Variants in LARP1 observed in about 807,000 individuals in gnomAD.
LARP1 encodes the protein la-related protein 1.
Under a neutral mutation model 122.7 loss-of-function variants are expected in LARP1, and 36 were observed. That is an observed-to-expected ratio of 0.29 (90% CI 0.22 to 0.39). LARP1 has a LOEUF of 0.39. Ranked by LOEUF, LARP1 falls within the 10% of genes least tolerant of loss-of-function variation. The pLI is 1.00. For missense variants in LARP1, 1,040 were observed against 1,403.6 expected (o/e 0.74, Z 4.14); for synonymous variants, 539 against 528.7 (o/e 1.02, Z -0.27).
upstream of LARP1, among the ~76,000 whole-genome samples, chr5:154,753,184 A>G (rs952863476): frequency 6.6e-6 from 1 of 152,192 alleles, no homozygotes; most frequent in Non-Finnish European, 1.5e-5. Context: ...TCTACCTCCA[A>G]TTACAAAAAG....
intron 18 of LARP1, 103 bp downstream of exon 18, chr5:154,811,743 C>T: frequency 7.2e-7 from 1 of 1,386,194 alleles, no homozygotes; most frequent in Non-Finnish European, 1.0e-6. Flanking sequence ...AGCCCAGGAA[C>T]CCCTCTCCCT....
chr5:154,778,258 TAAAAA>T (rs577057003), intron 1 of LARP1, among the ~76,000 whole-genome samples: 3 of 119,706 alleles, frequency 2.5e-5, no homozygotes, highest in Non-Finnish European at 5.3e-5. Flanking sequence ...AGACTCCGTC[TAAAAA>T]AAAAAAAAAA....
chr5:154,783,593 A>G (rs1443790885), intron 1 of LARP1, among the ~76,000 whole-genome samples: 2 of 152,104 alleles, frequency 1.3e-5, no homozygotes, highest in Non-Finnish European at 2.9e-5. Flanking sequence ...TTGGCTCCAA[A>G]TCCTGTTCCT....
intron 1 of LARP1, among the ~76,000 whole-genome samples, chr5:154,763,277 G>T (rs1397706748): frequency 6.6e-6 from 1 of 151,808 alleles, no homozygotes; most frequent in African/African-American, 2.4e-5. Flanking sequence ...GGTCGGGTTG[G>T]TCTCGAACTC....
intron 8 of LARP1, among the ~76,000 whole-genome samples, chr5:154,795,962 T>C (rs1422721001): frequency 9.0e-6 from 1 of 110,930 alleles, no homozygotes; most frequent in African/African-American, 3.5e-5. Flanking sequence ...ATATATATTT[T>C]TATACATATT....
intron 1 of LARP1, among the ~76,000 whole-genome samples, chr5:154,784,623 T>G (rs1756739956): frequency 6.6e-6 from 1 of 152,186 alleles, no homozygotes; most frequent in Admixed American, 6.5e-5. Context: ...CCTGAAGGCT[T>G]TCTTTGAATA....
At position 154,718,091 on chromosome 5, in the gene LARP1, A is replaced by AT. The variant is rs1331425302; in HGVS notation, c.205+4972dup. 3.6e-3 allele frequency among the ~76,000 whole-genome samples: 526 copies of AT among 147,362 alleles called. 4 individuals carry two copies. The highest frequency in any genetic ancestry group is 0.011 in the African/African-American group (448 of 40,376). On this transcript the variant is annotated intron_variant, in intron 1 of 18. Transcript: ENST00000336314. Reference sequence around the variant, plus strand: ...GGCCACCATGCCCAGCTAACTTAAAATTTTTTTTTTTGTAGAAACGGGGTC... The same window carrying AT: ...GGCCACCATGCCCAGCTAACTTAAAATTTTTTTTTTTTGTAGAAACGGGGTC...
rs557490203 is a variant in LARP1 at position 154,803,955 on chromosome 5, C to G, written c.2439+210C>G. On this transcript the variant is annotated intron_variant, in intron 13 of 18. Transcript: ENST00000518297. This position sits in a 1 kb window ranked among gnomAD's most constrained non-coding sequence, Gnocchi z 4.4. ...GAGTGGTAACCCCATGTTGAAAGGC[C>G]TAAGGAGGATTGACCAGGTATGAGT... 2.0e-5 allele frequency among the ~76,000 whole-genome samples: 3 copies of G among 152,146 alleles called. No individual in the cohort carries two copies. The highest frequency in any genetic ancestry group is 4.4e-5 in the Non-Finnish European group (3 of 68,026).
intron 1 of LARP1, among the ~76,000 whole-genome samples, chr5:154,688,983 A>G (rs926273865): frequency 6.6e-6 from 1 of 152,246 alleles, no homozygotes; most frequent in South Asian, 2.1e-4. Context: ...GAAAAATACT[A>G]TATATTGACA....
intron 8 of LARP1, among the ~76,000 whole-genome samples, chr5:154,797,218 GTTGTTTTTTTTTTTTTTTT>G (rs1247316053): frequency 4.5e-5 from 3 of 66,204 alleles, no homozygotes; most frequent in African/African-American, 1.8e-4. Flanking sequence ...TTTTGTTGTT[GTTGTTTTTTTTTTTTTTTT>G]TTTTTTTTTT....
At chr5:154,752,280 T>C (rs116704207), upstream of LARP1, among the ~76,000 whole-genome samples, 1,346 of 152,284 alleles carry the variant, frequency 8.8e-3, 5 homozygotes, top group Middle Eastern at 0.014. Context: ...TTTTGCTCTG[T>C]CACCTAGGAT....
intron 8 of LARP1, among the ~76,000 whole-genome samples, chr5:154,795,641 C>G (rs1757687100): frequency 6.6e-6 from 1 of 151,448 alleles, no homozygotes; most frequent in Non-Finnish European, 1.5e-5. Flanking sequence ...GAAGAAAATC[C>G]TAGAAAACCT....
intron 1 of LARP1, among the ~76,000 whole-genome samples, chr5:154,766,855 T>C (rs567313348): frequency 2.0e-5 from 3 of 152,244 alleles, no homozygotes; most frequent in Admixed American, 6.5e-5. Context: ...TCTCCATTGC[T>C]GTGCCCTCAG....
intron 1 of LARP1, among the ~76,000 whole-genome samples, chr5:154,733,963 C>T (rs186883226): frequency 1.3e-4 from 19 of 151,976 alleles, no homozygotes; most frequent in Admixed American, 9.9e-4. Context: ...TTCGGGAGAT[C>T]GAGACCATCC....
At chr5:154,736,762 T>C (rs567153857) in intron 1 of LARP1, among the ~76,000 whole-genome samples, 52 of 149,096 alleles carry the variant, frequency 3.5e-4, no homozygotes, top group Admixed American at 2.7e-4. Context: ...GACAGGGTTT[T>C]ACCATGTTGG....
At chr5:154,804,500 G>T (rs1188146936) in intron 14 of LARP1, among the ~76,000 whole-genome samples, 193 bp downstream of exon 14, 1 of 152,182 alleles carries the variant, frequency 6.6e-6, no homozygotes. Flanking sequence ...TCCTAAAGAA[G>T]TGGTGTGGCA....
At chr5:154,764,825 A>G (rs780151218) in intron 1 of LARP1, among the ~76,000 whole-genome samples, 11 of 151,158 alleles carry the variant, frequency 7.3e-5, no homozygotes, top group Non-Finnish European at 1.3e-4. Context: ...GAATCGCTTG[A>G]ACCTGGGAGG....
upstream of LARP1, among the ~76,000 whole-genome samples, chr5:154,712,589 C>G (rs758608488): frequency 5.3e-5 from 8 of 152,170 alleles, no homozygotes; most frequent in Non-Finnish European, 1.0e-4. Context: ...CTTCCTTTAG[C>G]CCCAGCTTGT....
intron 3 of LARP1, 117 bp downstream of exon 3, chr5:154,790,827 T>C (rs1436795670): frequency 7.3e-6 from 7 of 960,842 alleles, no homozygotes; most frequent in South Asian, 1.5e-5. Context: ...TCTTTCTTTT[T>C]TTTCCCCCCA....
Sources: allele counts gnomAD v4.1 joint callset (sites outside exome capture counted in the v4.1 genomes callset), GRCh38; gene constraint gnomAD v4.1.1; non-coding constraint Gnocchi (gnomAD v3.1); transcripts MANE v1.5; gene names NCBI Gene and HGNC (gene_info 2026-07-23, HGNC 2026-07-21).